Variants in ATP11C observed in about 807,000 individuals in gnomAD.
The protein encoded by ATP11C is phospholipid-transporting ATPase IG.
Under a neutral mutation model 97.4 loss-of-function variants are expected in ATP11C, and 36 were observed. The observed-to-expected ratio is 0.37, with a 90% CI of 0.28 to 0.49. ATP11C has a LOEUF of 0.49. Among genes scored for constraint, ATP11C ranks in the 20% least tolerant of loss-of-function variants. ATP11C has a pLI of 0.98. For synonymous variants in ATP11C, 275 were observed against 290.9 expected (o/e 0.95, Z 0.56); for missense variants, 730 against 824.6 (o/e 0.89, Z 1.40).
In ATP11C at chrX:139,842,956, A is replaced by C. The variant is rs763082494; in HGVS notation, c.28-16133T>G. Among the ~76,000 whole-genome samples the C allele has an allele frequency of 3.6e-5, 4 of 112,055 alleles. No individual in the cohort carries two copies. The South Asian group carries it at 1.5e-3, about 42-fold the overall frequency. ...CAGCAAGAATGCTCTGCTGTCATCA[A>C]ATTCAACTCCCACCTCATTTTCTCG... On this transcript the variant is annotated intron_variant, in intron 1 of 29. Transcript: ENST00000682941.
Position 139,879,906 on chromosome X carries a change from T to C in ATP11C, c.27+52110A>G, listed in dbSNP as rs981398761. Reference sequence around the variant, plus strand: ...TTCAGAAGGAGAGAAGGTTTTTGACTGGGAGAGGGCACCTGGAAGGACTTC... The same window carrying C: ...TTCAGAAGGAGAGAAGGTTTTTGACCGGGAGAGGGCACCTGGAAGGACTTC... On this transcript the variant is annotated intron_variant, in intron 1 of 29. Transcript: ENST00000682941. 5.4e-5 allele frequency among the ~76,000 whole-genome samples: 6 copies of C among 110,939 alleles called. No homozygotes were observed. The South Asian group carries it at 2.3e-3, about 42-fold the overall frequency.
chrX:139,791,907 A>G (rs1263093830), intron 12 of ATP11C, among the ~76,000 whole-genome samples: 1 of 111,106 alleles, frequency 9.0e-6, no homozygotes, highest in Non-Finnish European at 1.9e-5. Flanking sequence ...TTTGATAAAT[A>G]TATATTTGAT....
At chrX:139,923,426 T>C (rs968491637) in intron 1 of ATP11C, among the ~76,000 whole-genome samples, 2 of 111,815 alleles carry the variant, frequency 1.8e-5, no homozygotes, top group Non-Finnish European at 1.9e-5. Flanking sequence ...AGGATGGTCC[T>C]GTGTGCTGGT....
chrX:139,874,419 C>A (rs1397489443), intron 1 of ATP11C, among the ~76,000 whole-genome samples: 1 of 109,969 alleles, frequency 9.1e-6, no homozygotes, highest in African/African-American at 3.3e-5. Flanking sequence ...ATCATAGGGA[C>A]TGGAATATAA....
chrX:139,755,485 T>C (rs1269303115), intron 23 of ATP11C, among the ~76,000 whole-genome samples: 1 of 111,671 alleles, frequency 9.0e-6, no homozygotes, highest in African/African-American at 3.3e-5. Flanking sequence ...AAATAAATAT[T>C]TTAATATTCA....
intron 20 of ATP11C, among the ~76,000 whole-genome samples, chrX:139,765,317 G>A (rs752982314): frequency 5.1e-4 from 57 of 111,984 alleles, no homozygotes; most frequent in Non-Finnish European, 1.0e-3. Context: ...AGCCAAAACA[G>A]ATATAAGGTT....
chrX:139,767,042 A>G (rs972409480), intron 20 of ATP11C, among the ~76,000 whole-genome samples: 1 of 111,855 alleles, frequency 8.9e-6, no homozygotes, highest in Non-Finnish European at 1.9e-5. Context: ...AAGGAGTGAT[A>G]GTGGACACAA....
chrX:139,835,751 G>A (rs1263318734), intron 1 of ATP11C, among the ~76,000 whole-genome samples: 1 of 106,704 alleles, frequency 9.4e-6, no homozygotes, highest in Non-Finnish European at 1.9e-5. Flanking sequence ...GTGGCCGGCC[G>A]AGTGTGGTGG....
intron 12 of ATP11C, among the ~76,000 whole-genome samples, chrX:139,795,347 G>C (rs780066467): frequency 2.6e-4 from 29 of 111,694 alleles, no homozygotes; most frequent in South Asian, 7.6e-4. Context: ...AGTAGAAACA[G>C]AAAGCATGGA....
intron 1 of ATP11C, among the ~76,000 whole-genome samples, chrX:139,869,795 AAAT>A (rs35904908): frequency 8.7e-5 from 8 of 92,328 alleles, no homozygotes; most frequent in African/African-American, 2.6e-4. Flanking sequence ...CTCTGTCTCA[AAAT>A]AATAATAATA....
intron 23 of ATP11C, among the ~76,000 whole-genome samples, chrX:139,755,147 G>T (rs1381967579): frequency 8.9e-6 from 1 of 111,803 alleles, no homozygotes; most frequent in South Asian, 3.7e-4. Flanking sequence ...TTCAGGATAC[G>T]AAATCAATGT....
At chrX:139,769,028 C>A (rs918207222) in intron 19 of ATP11C, among the ~76,000 whole-genome samples, 1 of 108,153 alleles carries the variant, frequency 9.2e-6, no homozygotes, top group African/African-American at 3.4e-5. Context: ...ATTGCCCAAG[C>A]CAAGTCCTAA....
chrX:139,869,801 T>TAAC lies in ATP11C; in HGVS notation c.28-42979_28-42978insGTT, dbSNP rs1249684880. Among the ~76,000 whole-genome samples the TAAC allele has an allele frequency of 3.1e-3, 255 of 81,008 alleles. 3 individuals are homozygous for TAAC. Among genetic ancestry groups the TAAC allele is most frequent in the African/African-American group, 0.011 (238 of 21,313 alleles). 70.3% of individuals were successfully genotyped at this position (81,008 alleles called of 115,157 possible). On this transcript the variant is annotated intron_variant, in intron 1 of 29. Coordinates refer to ENST00000682941, the MANE Select transcript of ATP11C (RefSeq NM_001353812.2). ...AGAGAAACACTCTGTCTCAAAATAA[T>TAAC]AATAATAATAATAATAATATAATAT...
intron 28 of ATP11C, among the ~76,000 whole-genome samples, chrX:139,733,259 ATTT>A (rs1278648261): frequency 9.0e-6 from 1 of 111,584 alleles, no homozygotes; most frequent in Non-Finnish European, 1.9e-5. Context: ...ACCTAAGGTT[ATTT>A]TTTTCCTTCT....
At chrX:139,818,635 G>A (rs2083338888) in intron 3 of ATP11C, among the ~76,000 whole-genome samples, 1 of 111,933 alleles carries the variant, frequency 8.9e-6, no homozygotes. Flanking sequence ...TTTACTCAAA[G>A]CCTCAAAGTG....
In ATP11C at chrX:139,738,016, G is replaced by A. The variant is rs1261374106; in HGVS notation, c.3188C>T (p.Ser1063Phe). ...MYFVFAQMLS[S>F]VSTWLAIILL... ...AATTATAGCCAACCATGTGGATACA[G>A]AAGACAGCATTTGGGCAAATACAAA... is the stretch of plus-strand genomic sequence containing the variant. The change falls in exon 28 of 30, where the codon TCT (serine) becomes TTT (phenylalanine). Residue 1063 changes from serine to phenylalanine, a missense_variant. By Grantham distance (155) the Ser-to-Phe change is radical. Coordinates refer to ENST00000682941, the MANE Select transcript of ATP11C (RefSeq NM_001353812.2). The A allele has an allele frequency of 1.1e-5, 13 of 1,205,847 alleles. No individual in the cohort carries two copies. Among genetic ancestry groups the A allele is most frequent in the Non-Finnish European group, 1.5e-5 (13 of 892,013 alleles).
At chrX:139,915,223 T>C (rs1364686386) in intron 1 of ATP11C, among the ~76,000 whole-genome samples, 1 of 111,729 alleles carries the variant, frequency 9.0e-6, no homozygotes, top group Non-Finnish European at 1.9e-5. Context: ...AATGAGACAC[T>C]ACTATCATTG....
intron 5 of ATP11C, among the ~76,000 whole-genome samples, chrX:139,814,178 T>C (rs2083235733): frequency 9.0e-6 from 1 of 111,292 alleles, no homozygotes; most frequent in Admixed American, 9.6e-5. Context: ...AAATGTTATT[T>C]GACAGGGTCT....
intron 1 of ATP11C, among the ~76,000 whole-genome samples, chrX:139,924,427 G>GA (rs1482012375): frequency 9.0e-6 from 1 of 111,656 alleles, no homozygotes; most frequent in Non-Finnish European, 1.9e-5. Flanking sequence ...TCCTTTCACT[G>GA]AAAAAATACC....
Sources: allele counts gnomAD v4.1 joint callset (sites outside exome capture counted in the v4.1 genomes callset), GRCh38; gene constraint gnomAD v4.1.1; transcripts MANE v1.5; gene names NCBI Gene and HGNC (gene_info 2026-07-23, HGNC 2026-07-21).